The following MED21 variants were observed in gnomAD, a reference collection of about 807,000 sequenced individuals.
The protein encoded by MED21 is mediator complex subunit 21.
In MED21, 9 loss-of-function variants were observed where a neutral mutation model predicts 18.2. That is an observed-to-expected ratio of 0.49 (90% CI 0.30 to 0.86). The LOEUF (loss-of-function observed/expected upper bound fraction) is 0.86. MED21 is among the 40% of genes least tolerant of loss of function. The pLI, the probability that MED21 is intolerant of heterozygous loss-of-function variation, is 0.07. For missense variants in MED21, 150 were observed against 170.9 expected (o/e 0.88, Z 0.68); for synonymous variants, 73 against 60.5 (o/e 1.21, Z -0.96).
intron 2 of MED21, among the ~76,000 whole-genome samples, chr12:27,035,894 G>A (rs112259815): frequency 0.019 from 2,942 of 151,804 alleles, 99 homozygotes; most frequent in African/African-American, 0.067. Flanking sequence ...TGCCGCAATA[G>A]ACATACGTGT....
At chr12:27,024,550 T>C (rs537640778) in intron 1 of MED21, among the ~76,000 whole-genome samples, 13 of 152,240 alleles carry the variant, frequency 8.5e-5, no homozygotes, top group Non-Finnish European at 1.8e-4. Flanking sequence ...AATCAAATTG[T>C]AATGATGCTG....
At chr12:27,038,572 G>A (rs948284647) in intron 2 of MED21, 1 of 152,170 alleles carries the variant, frequency 6.6e-6, no homozygotes, top group Non-Finnish European at 1.5e-5. Flanking sequence ...AGATATTCAT[G>A]AGGAAGGATA....
chr12:27,028,533 T>C lies in MED21; in HGVS notation c.*72T>C. Reference sequence around the variant, plus strand: ...TTAAGAATTCTGCATCAGACTTAGATACAAGCCTTACCAACAATTACAGAA... The same window carrying C: ...TTAAGAATTCTGCATCAGACTTAGACACAAGCCTTACCAACAATTACAGAA... On this transcript the variant is annotated 3_prime_UTR_variant, in exon 4 of 4. Coordinates refer to ENST00000282892, the MANE Select transcript of MED21 (RefSeq NM_004264.5). The C allele has an allele frequency of 6.6e-7, 1 of 1,518,844 alleles. No homozygotes were observed. The highest frequency in any genetic ancestry group is 1.3e-5 in the South Asian group (1 of 74,776). 94.1% of individuals were successfully genotyped at this position (1,518,844 alleles called of 1,614,324 possible). A position where few individuals can be genotyped will look rare whatever the true frequency, so the allele number is the denominator to read the frequency against.
rs553517506 is a variant in MED21 at position 27,029,001 on chromosome 12, C to G, written c.*540C>G. 2 of 985,442 alleles carry G rather than the reference C, an allele frequency of 2.0e-6. No individual in the cohort carries two copies. Among genetic ancestry groups the G allele is most frequent in the African/African-American group, 3.5e-5 (2 of 57,358 alleles). The allele number at this position is 985,442 out of a possible 1,614,324, so 61.0% of individuals were successfully genotyped here. On this transcript the variant is annotated 3_prime_UTR_variant, in exon 4 of 4. Transcript: ENST00000282892. ...GAAAGTCACATTTATGCAAATGTTT[C>G]TTCTGCTAGAACCTCATACCTGTTC...
intron 2 of MED21, chr12:27,037,829 A>T (rs1207649048): frequency 2.6e-5 from 4 of 152,236 alleles, no homozygotes. Flanking sequence ...AAATATGGTA[A>T]TGTAATTTGC....
downstream of MED21, among the ~76,000 whole-genome samples, chr12:27,033,358 A>G (rs1941631552): frequency 6.6e-6 from 1 of 152,198 alleles, no homozygotes; most frequent in Admixed American, 6.5e-5. Flanking sequence ...TAGAGGTACT[A>G]ATCCCACTCA....
Position 27,028,907 on chromosome 12 carries a change from T to C in MED21, c.*446T>C, listed in dbSNP as rs902034483. On this transcript the variant is annotated 3_prime_UTR_variant, in exon 4 of 4. Coordinates refer to ENST00000282892, the MANE Select transcript of MED21 (RefSeq NM_004264.5). ...TCTTAGAGGTGGCATTGTGTAAATC[T>C]GAGCTTTGAGCAAGAAAGTTTTGGA... 4.1e-6 allele frequency: 4 copies of C among 985,540 alleles called. No individual in the cohort carries two copies. In the African/African-American group the frequency reaches 7.0e-5, roughly 17 times the overall value. 61.0% of individuals were successfully genotyped at this position (985,540 alleles called of 1,614,324 possible). A position where few individuals can be genotyped will look rare whatever the true frequency, so the allele number is the denominator to read the frequency against.
At chr12:27,033,167 G>A (rs368865770), downstream of MED21, among the ~76,000 whole-genome samples, 122 of 152,256 alleles carry the variant, frequency 8.0e-4, 1 homozygote, top group African/African-American at 2.7e-3. Flanking sequence ...CACCCATTCA[G>A]GCTGCTATAT....
At chr12:27,032,068 C>A (rs2136494057), downstream of MED21, among the ~76,000 whole-genome samples, 1 of 152,300 alleles carries the variant, frequency 6.6e-6, no homozygotes, top group African/African-American at 2.4e-5. Flanking sequence ...GTCCCTCTTT[C>A]TTCTTTTACC....
chr12:27,029,109 C>G lies in MED21; in HGVS notation c.*648C>G. The G allele has an allele frequency of 1.0e-6, 1 of 985,380 alleles. No individual in the cohort carries two copies. The highest frequency in any genetic ancestry group is 4.7e-5 in the South Asian group (1 of 21,280). 61.0% of individuals were successfully genotyped at this position (985,380 alleles called of 1,614,324 possible). A position where few individuals can be genotyped will look rare whatever the true frequency, so the allele number is the denominator to read the frequency against. The stretch of plus-strand genomic sequence containing the variant: ...TGTTGTGAAAGAATTTTTCTACATC[C>G]TGAACTATTTTTCCTATTTCTTTTC... On this transcript the variant is annotated 3_prime_UTR_variant, in exon 4 of 4. Coordinates refer to ENST00000282892, the MANE Select transcript of MED21 (RefSeq NM_004264.5).
chr12:27,035,261 TAG>T (rs927311363), downstream of MED21, among the ~76,000 whole-genome samples: 7 of 152,248 alleles, frequency 4.6e-5, no homozygotes, highest in African/African-American at 1.7e-4. Flanking sequence ...CCACCAAGCC[TAG>T]AGAGTTTTAT....
chr12:27,029,914 T>G lies in MED21; in HGVS notation c.*1453T>G. 1 of 551,764 alleles carries G rather than the reference T, an allele frequency of 1.8e-6. No homozygotes were observed. The highest frequency in any genetic ancestry group is 2.3e-6 in the Non-Finnish European group (1 of 433,756). 34.2% of individuals were successfully genotyped at this position (551,764 alleles called of 1,614,324 possible). A position where few individuals can be genotyped will look rare whatever the true frequency, so the allele number is the denominator to read the frequency against. ...AGGGAAAACTAACAGGATTTATCAC[T>G]AGTAAACCTGCTCTAAAAGAATTCA... On this transcript the variant is annotated 3_prime_UTR_variant, in exon 4 of 4. Coordinates refer to ENST00000282892, the MANE Select transcript of MED21 (RefSeq NM_004264.5).
chr12:27,029,905 A>G lies in MED21; in HGVS notation c.*1444A>G. ...TTTCAAATGAGGGAAAACTAACAGG[A>G]TTTATCACTAGTAAACCTGCTCTAA... On this transcript the variant is annotated 3_prime_UTR_variant, in exon 4 of 4. Coordinates refer to ENST00000282892, the MANE Select transcript of MED21 (RefSeq NM_004264.5). 1.6e-6 allele frequency: 1 copy of G among 640,736 alleles called. No homozygotes were observed. The highest frequency in any genetic ancestry group is 1.9e-6 in the Non-Finnish European group (1 of 514,962). The allele number at this position is 640,736 out of a possible 1,614,324, so 39.7% of individuals were successfully genotyped here.
chr12:27,034,314 C>T (rs1019454694), downstream of MED21, among the ~76,000 whole-genome samples: 2 of 151,892 alleles, frequency 1.3e-5, no homozygotes, highest in African/African-American at 2.4e-5. Flanking sequence ...CCCAGCTACT[C>T]GGGAGGCTAA....
intron 2 of MED21, chr12:27,038,329 C>G (rs551791801): frequency 6.7e-6 from 1 of 149,234 alleles, no homozygotes; most frequent in Non-Finnish European, 1.5e-5. Flanking sequence ...AGGAATACAA[C>G]GAATATAACA....
In MED21 at chr12:27,028,645, G is replaced by A. The variant is rs1343029044; in HGVS notation, c.*184G>A. On this transcript the variant is annotated 3_prime_UTR_variant, in exon 4 of 4. Coordinates refer to ENST00000282892, the MANE Select transcript of MED21 (RefSeq NM_004264.5). ...TTGATAAGCTTATAAAATCATGATTGAATCAGCTTTAAAGCATCATACCAT... is the reference window on the plus strand; with the variant it reads ...TTGATAAGCTTATAAAATCATGATTAAATCAGCTTTAAAGCATCATACCAT... The A allele has an allele frequency of 1.9e-5, 24 of 1,276,894 alleles. No homozygotes were observed. The highest frequency in any genetic ancestry group is 4.9e-4 in the Middle Eastern group (2 of 4,042). 79.1% of individuals were successfully genotyped at this position (1,276,894 alleles called of 1,614,324 possible).
At chr12:27,028,128 C>T (rs1233830540) in intron 3 of MED21, among the ~76,000 whole-genome samples, 157 bp from the exon 4 acceptor site, 1 of 152,164 alleles carries the variant, frequency 6.6e-6, no homozygotes, top group African/African-American at 2.4e-5. Flanking sequence ...TAATAATTCA[C>T]ATGGGGAAAA....
chr12:27,032,943 A>G (rs906350356), downstream of MED21, among the ~76,000 whole-genome samples: 1 of 152,064 alleles, frequency 6.6e-6, no homozygotes, highest in African/African-American at 2.4e-5. Context: ...CAGGAAGGAC[A>G]TTCCCTGCTC....
intron 1 of MED21, chr12:27,022,941 CAGT>C (rs1941492514): frequency 8.3e-7 from 1 of 1,204,634 alleles, no homozygotes; most frequent in Non-Finnish European, 1.1e-6. Flanking sequence ...ATTTTCTTGT[CAGT>C]GGTGCTTACG....
Sources: allele counts gnomAD v4.1 joint callset (sites outside exome capture counted in the v4.1 genomes callset), GRCh38; gene constraint gnomAD v4.1.1; transcripts MANE v1.5; gene names NCBI Gene and HGNC (gene_info 2026-07-23, HGNC 2026-07-21).